Variants in QTRT2 observed in about 807,000 individuals in gnomAD.
The protein encoded by QTRT2 is queuine tRNA-ribosyltransferase accessory subunit 2.
QTRT2 carries 32 observed loss-of-function variants against 44.8 expected under a neutral mutation model. The ratio of observed to expected loss-of-function variants is 0.71; its 90% CI spans 0.54 to 0.96. The LOEUF (loss-of-function observed/expected upper bound fraction) is 0.96, where lower values mean the gene tolerates loss of function less well. Among genes scored for constraint, QTRT2 ranks in the 40% least tolerant of loss-of-function variants. QTRT2 has a pLI of 0.00. For missense variants in QTRT2, 461 were observed against 503.1 expected (o/e 0.92, Z 0.80); for synonymous variants, 182 against 187.4 (o/e 0.97, Z 0.24).
In QTRT2 at chr3:114,066,195, A is replaced by G. The variant is rs1482501673; in HGVS notation, c.201-33A>G. On this transcript the variant is annotated intron_variant, in intron 3 of 9. Transcript: ENST00000281273. ...CAGAGTATTTACAGAATGACACATT[A>G]TTATGTTATGTATTTTTCTGTTTTG... 4 of 1,487,974 alleles carry G rather than the reference A, an allele frequency of 2.7e-6. No individual in the cohort carries two copies. In the South Asian group the frequency reaches 3.4e-5, roughly 13 times the overall value. 92.2% of individuals were successfully genotyped at this position (1,487,974 alleles called of 1,614,324 possible). A position where few individuals can be genotyped will look rare whatever the true frequency, so the allele number is the denominator to read the frequency against.
intron 2 of QTRT2, among the ~76,000 whole-genome samples, chr3:114,063,897 G>C (rs2076919007): frequency 6.6e-6 from 1 of 152,234 alleles, no homozygotes; most frequent in Admixed American, 6.5e-5. Flanking sequence ...GACTTTCAGA[G>C]TATGGTATGC....
chr3:114,076,253 G>A (rs929269804), intron 6 of QTRT2, among the ~76,000 whole-genome samples: 1 of 151,946 alleles, frequency 6.6e-6, no homozygotes, highest in African/African-American at 2.4e-5. Flanking sequence ...TGCAACCTTC[G>A]CCTCCCGGGC....
In QTRT2 at chr3:114,059,313, G is replaced by T. The variant is rs1030282700; in HGVS notation, c.-22+2207G>T. 9.5e-4 allele frequency among the ~76,000 whole-genome samples: 144 copies of T among 152,188 alleles called. 1 individual carries two copies. Among genetic ancestry groups the T allele is most frequent in the Non-Finnish European group, 1.4e-3 (97 of 68,030 alleles). ...AAATATTAGAGCAGACCCACAACAA[G>T]TGAAAAGGGAAGGGATCATGATAAA... On this transcript the variant is annotated intron_variant, in intron 2 of 9. Coordinates refer to ENST00000281273, the MANE Select transcript of QTRT2 (RefSeq NM_024638.4).
At chr3:114,073,432 T>C (rs2077049359) in intron 6 of QTRT2, among the ~76,000 whole-genome samples, 1 of 152,122 alleles carries the variant, frequency 6.6e-6, no homozygotes, top group Non-Finnish European at 1.5e-5. Flanking sequence ...CAGGCTGGAG[T>C]GCAGCGGTGC....
rs2046497 is a variant in QTRT2, at chr3:114,084,078, T to C, written c.1016+1284T>C. On this transcript the variant is annotated intron_variant, in intron 9 of 9. Coordinates refer to ENST00000281273, the MANE Select transcript of QTRT2 (RefSeq NM_024638.4). The stretch of plus-strand genomic sequence containing the variant: ...CTTTTTTCTTTTTTTTTTTTTTTTG[T>C]GGGGGGCAGAGTGTAGCTCTGTTGC... 5.2e-3 allele frequency among the ~76,000 whole-genome samples: 762 copies of C among 145,836 alleles called. 10 individuals carry two copies. The highest frequency in any genetic ancestry group is 0.019 in the African/African-American group (725 of 39,084).
intron 2 of QTRT2, 30 bp from the exon 3 acceptor site, chr3:114,065,207 C>T (rs376648007): frequency 3.2e-6 from 5 of 1,550,532 alleles, no homozygotes; most frequent in Non-Finnish European, 4.4e-6. Context: ...TGTGAAGCTC[C>T]TTCTATACTT....
At chr3:114,060,549 A>ATAGAT (rs988404946) in intron 2 of QTRT2, among the ~76,000 whole-genome samples, 3 of 151,572 alleles carry the variant, frequency 2.0e-5, no homozygotes. Context: ...GATAGATAAG[A>ATAGAT]TAGATTAGAT....
At position 114,088,054 on chromosome 3, in the gene QTRT2, T is replaced by G. The variant is rs1050356079; in HGVS notation, c.*2150T>G. The G allele has an allele frequency of 6.6e-6, 1 of 152,362 alleles. No individual in the cohort carries two copies. Among genetic ancestry groups the G allele is most frequent in the Non-Finnish European group, 1.5e-5 (1 of 68,036 alleles). The allele number at this position is 152,362 out of a possible 1,614,324, so 9.4% of individuals were successfully genotyped here. A position where few individuals can be genotyped will look rare whatever the true frequency, so the allele number is the denominator to read the frequency against. Reference sequence around the variant, plus strand: ...TTCCATGAATGGCAAGGGGTACTTATGGAAAACAGTTTTCCAAAGATCTGA... The same window carrying G: ...TTCCATGAATGGCAAGGGGTACTTAGGGAAAACAGTTTTCCAAAGATCTGA... On this transcript the variant is annotated 3_prime_UTR_variant, in exon 10 of 10. Transcript: ENST00000281273.
At position 114,076,603 on chromosome 3, in the gene QTRT2, G is replaced by A. The variant is rs1307674835; in HGVS notation, c.547-140G>A. 2.6e-5 allele frequency: 18 copies of A among 696,384 alleles called. No homozygotes were observed. In the East Asian group the frequency reaches 4.5e-4, roughly 18 times the overall value. 43.1% of individuals were successfully genotyped at this position (696,384 alleles called of 1,614,324 possible). Reference sequence around the variant, plus strand: ...AGCCTTAAAGGTTCTTAGGGAGGAGGGAGCACCATCCCCTTTAATGCTTCA... The same window carrying A: ...AGCCTTAAAGGTTCTTAGGGAGGAGAGAGCACCATCCCCTTTAATGCTTCA... On this transcript the variant is annotated intron_variant, in intron 6 of 9. Transcript: ENST00000281273.
Position 114,079,975 on chromosome 3 carries a change from G to T in QTRT2, c.816G>T (p.Glu272Asp). ...ECIERGVDLFESFFPYQVTER... is the reference protein window; with the variant it reads ...ECIERGVDLFDSFFPYQVTER... ...TTGAAAGAGGAGTGGACTTATTTGA[G>T]AGTTTTTTCCCTTATCAAGTAACAG... Residue 272 changes from glutamate (E) to aspartate (D), a missense_variant, in exon 8 of 10, where the codon GAG (glutamate) becomes GAT (aspartate). By Grantham distance (45) the Glu-to-Asp change is conservative. Transcript: ENST00000281273. The T allele has an allele frequency of 6.2e-7, 1 of 1,613,862 alleles. No individual in the cohort carries two copies. Among genetic ancestry groups the T allele is most frequent in the Non-Finnish European group, 8.5e-7 (1 of 1,179,840 alleles).
intron 2 of QTRT2, among the ~76,000 whole-genome samples, chr3:114,060,496 G>GTAGATAGATAGA (rs71146305): frequency 6.9e-5 from 10 of 144,552 alleles, no homozygotes; most frequent in South Asian, 4.4e-4. Context: ...AGGTAGGTAG[G>GTAGATAGATAGA]TAGATAGATA....
chr3:114,085,679 G>A lies in QTRT2; in HGVS notation c.1023G>A (p.Gln341=), dbSNP rs1232815169. The part of the protein sequence containing the change: ...FEINLKEKKY[Q]EDFNPLVRGC... ...ACTGTGACTTCTTTCTTAGGTACCA[G>A]GAGGACTTTAACCCGCTGGTGAGAG... Residue 341 remains glutamine, a synonymous_variant, in exon 10 of 10, where the codon CAG becomes CAA. Transcript: ENST00000281273. 15 of 1,613,838 alleles carry A rather than the reference G, an allele frequency of 9.3e-6. No individual in the cohort carries two copies. Among genetic ancestry groups the A allele is most frequent in the East Asian group, 2.2e-5 (1 of 44,888 alleles).
intron 6 of QTRT2, among the ~76,000 whole-genome samples, chr3:114,072,355 G>T (rs1277594485): frequency 6.6e-6 from 1 of 152,158 alleles, no homozygotes; most frequent in Admixed American, 6.5e-5. Flanking sequence ...GTTTCACGAT[G>T]TTGGTCAGAC....
chr3:114,083,605 C>T (rs2077196415), intron 9 of QTRT2, among the ~76,000 whole-genome samples: 1 of 152,116 alleles, frequency 6.6e-6, no homozygotes, highest in African/African-American at 2.4e-5. Flanking sequence ...CACTTTAGTG[C>T]TGGGGTGGGT....
Position 114,056,759 on chromosome 3 carries a change from A to T in QTRT2, c.-235A>T. On this transcript the variant is annotated 5_prime_UTR_variant, in exon 1 of 10. Transcript: ENST00000281273. Reference sequence around the variant, plus strand: ...CGCAGTACTCCCTGATTGGCTCTGCACTGGAGGCAGTGATTTTGGGGCAGA... The same window carrying T: ...CGCAGTACTCCCTGATTGGCTCTGCTCTGGAGGCAGTGATTTTGGGGCAGA... 1 of 1,463,474 alleles carries T rather than the reference A, an allele frequency of 6.8e-7. No individual in the cohort carries two copies. The highest frequency in any genetic ancestry group is 9.2e-7 in the Non-Finnish European group (1 of 1,089,828). 90.7% of individuals were successfully genotyped at this position (1,463,474 alleles called of 1,614,324 possible).
chr3:114,065,433 T>G lies in QTRT2; in HGVS notation c.176T>G (p.Met59Arg), dbSNP rs770138541. 2 of 1,613,950 alleles carry G rather than the reference T, an allele frequency of 1.2e-6. No individual in the cohort carries two copies. Among genetic ancestry groups the G allele is most frequent in the Non-Finnish European group, 1.7e-6 (2 of 1,179,928 alleles). ...CATAATATCCACGGGGTTCCTGCCATGGCTCAGCTTACGCTGTCATCCCTG... is the reference window on the plus strand; with the variant it reads ...CATAATATCCACGGGGTTCCTGCCAGGGCTCAGCTTACGCTGTCATCCCTG... Reference protein sequence around the residue: ...TLHNIHGVPAMAQLTLSSLAE... With the variant: ...TLHNIHGVPARAQLTLSSLAE... Residue 59 changes from methionine (M) to arginine (R), a missense_variant, in exon 3 of 10, where the codon ATG becomes AGG. Transcript: ENST00000281273.
rs1310164024 is a variant in QTRT2 at position 114,068,016 on chromosome 3, C to G, written c.286C>G (p.Leu96Val). The G allele has an allele frequency of 6.2e-7, 1 of 1,613,746 alleles. No individual in the cohort carries two copies. The highest frequency in any genetic ancestry group is 1.3e-5 in the African/African-American group (1 of 74,890). ...GCCAGAATCACTCTTGTACTGCTCC[C>G]TGCACGATCCAGTCAGCCCCTGCCC... ...GMPESLLYCSLHDPVSPCPAG... is the reference protein window; with the variant it reads ...GMPESLLYCSVHDPVSPCPAG... The change falls in exon 5 of 10, where the codon CTG (leucine) becomes GTG (valine). Residue 96 changes from leucine to valine, a missense_variant. Leu to Val is a conservative substitution (Grantham distance 32). Coordinates refer to ENST00000281273, the MANE Select transcript of QTRT2 (RefSeq NM_024638.4).
chr3:114,067,874 A>G (rs1230038361), intron 4 of QTRT2, 113 bp from the exon 5 acceptor site: 3 of 786,180 alleles, frequency 3.8e-6, no homozygotes, highest in Non-Finnish European at 6.6e-6. Context: ...ACCTATTGAC[A>G]GTGTTTAGAG....
rs1475154110 is a variant in QTRT2, at chr3:114,086,028, A to C, written c.*124A>C. 1 of 792,640 alleles carries C rather than the reference A, an allele frequency of 1.3e-6. No individual in the cohort carries two copies. Among genetic ancestry groups the C allele is most frequent in the East Asian group, 2.7e-5 (1 of 37,354 alleles). 49.1% of individuals were successfully genotyped at this position (792,640 alleles called of 1,614,324 possible). ...ATATTTGGATATAAGGTCTGCTTAA[A>C]TAAAGAATCTTTGTACCAAACTGCC... is the stretch of plus-strand genomic sequence containing the variant. On this transcript the variant is annotated 3_prime_UTR_variant, in exon 10 of 10. Transcript: ENST00000281273.
Sources: gnomAD v4.1 joint callset for allele counts (sites outside exome capture counted in the v4.1 genomes callset) on GRCh38, gnomAD v4.1.1 for gene constraint, MANE v1.5 for transcripts, NCBI Gene and HGNC (gene_info 2026-07-23, HGNC 2026-07-21) for gene names.